The following NINJ2 variants were observed in gnomAD, a reference collection of about 807,000 sequenced individuals.
The protein encoded by NINJ2 is ninjurin-2.
NINJ2 carries 12 observed loss-of-function variants against 11.7 expected under a neutral mutation model. That is an observed-to-expected ratio of 1.02 (90% CI 0.66 to 1.66). NINJ2 has a LOEUF of 1.66. Among genes scored for constraint, NINJ2 ranks in the 40% most tolerant of loss-of-function variants. The pLI, the probability that NINJ2 is intolerant of heterozygous loss-of-function variation, is 0.00. For missense variants in NINJ2, 187 were observed against 181.8 expected (o/e 1.03, Z -0.16); for synonymous variants, 93 against 76.8 (o/e 1.21, Z -1.10).
At chr12:586,921 T>G (rs558487218) in intron 1 of NINJ2, among the ~76,000 whole-genome samples, 2 of 152,288 alleles carry the variant, frequency 1.3e-5, no homozygotes, top group African/African-American at 4.8e-5. Flanking sequence ...TATTGTGGAA[T>G]GGAGTTGAAG....
At position 591,662 on chromosome 12, in the gene NINJ2, G is replaced by A. The variant is rs889406271; in HGVS notation, c.34-25484C>T. On this transcript the variant is annotated intron_variant, in intron 1 of 3. Coordinates refer to ENST00000305108, the MANE Select transcript of NINJ2 (RefSeq NM_016533.6). The surrounding 1 kb of genome is among the most constrained non-coding windows in gnomAD (Gnocchi z 5.0). ...AGTGTCTGCTGTGAACAGATGTCAC[G>A]GAGGGAGCAGTGCAGTGTCACCAGT... is the stretch of plus-strand genomic sequence containing the variant. 3.9e-5 allele frequency among the ~76,000 whole-genome samples: 6 copies of A among 152,186 alleles called. No individual in the cohort carries two copies. The highest frequency in any genetic ancestry group is 9.7e-5 in the African/African-American group (4 of 41,434).
chr12:642,149 G>T (rs185976421), intron 1 of NINJ2, among the ~76,000 whole-genome samples: 34 of 152,340 alleles, frequency 2.2e-4, no homozygotes, highest in Admixed American at 2.0e-3. Flanking sequence ...TCATCTGTGA[G>T]TCGCGGTTAA....
chr12:613,345 T>A (rs1948056423), intron 1 of NINJ2, among the ~76,000 whole-genome samples: 1 of 151,946 alleles, frequency 6.6e-6, no homozygotes, highest in African/African-American at 2.4e-5. Context: ...CGGTGGCTCA[T>A]GCCTATAATC....
chr12:588,936 C>T (rs912737605), intron 1 of NINJ2, among the ~76,000 whole-genome samples: 7 of 152,142 alleles, frequency 4.6e-5, no homozygotes, highest in African/African-American at 1.4e-4. Context: ...TACTACCAAA[C>T]GTACCAGAAT....
chr12:642,439 C>T (rs1055192381), intron 1 of NINJ2, among the ~76,000 whole-genome samples: 1 of 152,082 alleles, frequency 6.6e-6, no homozygotes, highest in Non-Finnish European at 1.5e-5. Flanking sequence ...CCATGCTGGC[C>T]AGGATGGTCT....
chr12:587,579 G>A (rs1947656422), intron 1 of NINJ2, among the ~76,000 whole-genome samples: 1 of 152,180 alleles, frequency 6.6e-6, no homozygotes, highest in Non-Finnish European at 1.5e-5. Context: ...TGGGAGGGGA[G>A]CTGGGCTTTC....
At chr12:656,469 G>A (rs868145988) in intron 1 of NINJ2, among the ~76,000 whole-genome samples, 1 of 151,382 alleles carries the variant, frequency 6.6e-6, no homozygotes, top group African/African-American at 2.4e-5. Context: ...ACTGTAAAGC[G>A]GCCAGGCATG....
intron 1 of NINJ2, among the ~76,000 whole-genome samples, chr12:606,922 G>A (rs1947948674): frequency 6.6e-6 from 1 of 152,198 alleles, no homozygotes; most frequent in African/African-American, 2.4e-5. Context: ...TGAACTGGGT[G>A]CATGGAGAAA....
intron 1 of NINJ2, among the ~76,000 whole-genome samples, chr12:588,171 AGGGACGGAAGGGACGGAAGGGACGGAG>A (rs1177625415): frequency 1.6e-4 from 20 of 127,694 alleles, no homozygotes; most frequent in South Asian, 5.4e-4. Context: ...AAGGGACGGA[AGGGACGGAAGGGACGGAAGGGACGGAG>A]GGGACGGAAG....
chr12:647,998 G>A (rs930302467), intron 1 of NINJ2, among the ~76,000 whole-genome samples: 1 of 152,192 alleles, frequency 6.6e-6, no homozygotes, highest in Non-Finnish European at 1.5e-5. Context: ...CTGGGTAGTT[G>A]GGAGGATTCA....
In NINJ2 at chr12:591,791, GTTTC is replaced by G. The variant is rs1450019253; in HGVS notation, c.34-25617_34-25614del. Among the ~76,000 whole-genome samples the G allele has an allele frequency of 3.9e-5, 6 of 152,308 alleles. No homozygotes were observed. In the East Asian group the frequency reaches 1.2e-3, roughly 29 times the overall value. On this transcript the variant is annotated intron_variant, in intron 1 of 3. Transcript: ENST00000305108. The surrounding 1 kb of genome is among the most constrained non-coding windows in gnomAD (Gnocchi z 5.0). ...GGAGCTGGCTGCAAGGGCCAAGGGT[GTTTC>G]TTTAGAGATATTTCTCAGGTTCTGG...
rs1947540578 is a variant in NINJ2 at position 580,864 on chromosome 12, G to A, written c.34-14686C>T. 6.6e-6 allele frequency among the ~76,000 whole-genome samples: 1 copy of A among 151,752 alleles called. No homozygotes were observed. The highest frequency in any genetic ancestry group is 1.5e-5 in the Non-Finnish European group (1 of 67,930). On this transcript the variant is annotated intron_variant, in intron 1 of 3. Transcript: ENST00000305108. This position sits in a 1 kb window ranked among gnomAD's most constrained non-coding sequence, Gnocchi z 4.7. Reference sequence around the variant, plus strand: ...CATGTGTGTCTGTGTGTGCATGAGTGTCTGTGTGAATGTGTCTATGCATGT... The same window carrying A: ...CATGTGTGTCTGTGTGTGCATGAGTATCTGTGTGAATGTGTCTATGCATGT...
chr12:604,413 G>A (rs2535396), intron 1 of NINJ2, among the ~76,000 whole-genome samples: 118,049 of 151,966 alleles, frequency 0.78, 46,410 homozygotes, highest in African/African-American at 0.91. Flanking sequence ...TGAGGCGGGC[G>A]GATCACTTGA....
At chr12:619,085 C>T (rs1217705016) in intron 1 of NINJ2, among the ~76,000 whole-genome samples, 4 of 152,118 alleles carry the variant, frequency 2.6e-5, no homozygotes, top group Admixed American at 1.3e-4. Context: ...GAGTGAGGTG[C>T]CCGCAATTTC....
At chr12:610,504 G>C (rs1476138687) in intron 1 of NINJ2, 7 of 1,517,198 alleles carry the variant, frequency 4.6e-6, no homozygotes, top group Non-Finnish European at 6.2e-6. Context: ...GCCCCCGTGG[G>C]TCCCCACAGC....
At chr12:649,531 G>GTGTATATA (rs139452771) in intron 1 of NINJ2, among the ~76,000 whole-genome samples, 3,165 of 127,676 alleles carry the variant, frequency 0.025, 70 homozygotes, top group South Asian at 0.029. Context: ...GTGTATATGT[G>GTGTATATA]TATATATATA....
intron 1 of NINJ2, among the ~76,000 whole-genome samples, chr12:572,297 C>A (rs1265455436): frequency 1.3e-5 from 2 of 152,210 alleles, no homozygotes; most frequent in African/African-American, 4.8e-5. Context: ...CACGTGGGAG[C>A]TTCCTGTGTG....
At chr12:568,066 G>T (rs949537853) in intron 1 of NINJ2, among the ~76,000 whole-genome samples, 23 of 152,138 alleles carry the variant, frequency 1.5e-4, no homozygotes, top group Admixed American at 9.8e-4. Flanking sequence ...TCTTGATAGT[G>T]TAATCTCAGC....
intron 1 of NINJ2, among the ~76,000 whole-genome samples, chr12:600,278 G>C (rs890330483): frequency 1.3e-5 from 2 of 152,202 alleles, no homozygotes; most frequent in African/African-American, 4.8e-5. Flanking sequence ...TGGGGGCCAG[G>C]TGCGGTGGCT....
Sources: allele counts gnomAD v4.1 joint callset (sites outside exome capture counted in the v4.1 genomes callset), GRCh38; gene constraint gnomAD v4.1.1; non-coding constraint Gnocchi (gnomAD v3.1); transcripts MANE v1.5; gene names NCBI Gene and HGNC (gene_info 2026-07-23, HGNC 2026-07-21).